The following RALY variants were observed in gnomAD, a reference collection of about 807,000 sequenced individuals.
RALY encodes RNA-binding protein Raly.
A neutral mutation model predicts 30.7 loss-of-function variants in RALY; 15 were observed. The observed-to-expected ratio is 0.49, with a 90% CI of 0.33 to 0.75. The LOEUF (loss-of-function observed/expected upper bound fraction) is 0.75. Among genes scored for constraint, RALY ranks in the 30% least tolerant of loss-of-function variants. RALY has a pLI of 0.02. For synonymous variants in RALY, 177 were observed against 170.8 expected, an observed-to-expected ratio of 1.04 and a Z score of -0.28; for missense variants, 339 against 414.3, an observed-to-expected ratio of 0.82 and a Z score of 1.58.
chr20:34,027,502 C>T (rs2032089044), intron 1 of RALY, among the ~76,000 whole-genome samples: 1 of 152,188 alleles, frequency 6.6e-6, no homozygotes, highest in Admixed American at 6.5e-5. Flanking sequence ...TGAGACAAAC[C>T]CAGGTCAGAC....
chr20:34,002,441 C>T (rs958957180), intron 1 of RALY, among the ~76,000 whole-genome samples: 2 of 152,182 alleles, frequency 1.3e-5, no homozygotes, highest in South Asian at 4.1e-4. Flanking sequence ...AGACATAATT[C>T]CTGTCCACAA....
At chr20:34,000,443 A>G (rs1219848573) in intron 1 of RALY, among the ~76,000 whole-genome samples, 2 of 152,204 alleles carry the variant, frequency 1.3e-5, no homozygotes, top group Admixed American at 6.5e-5. Flanking sequence ...CGAACGAATA[A>G]GTAGAAGCAG....
At position 34,065,262 on chromosome 20, in the gene RALY, G is replaced by A. The variant is rs182005366; in HGVS notation, c.-9-6804G>A. The A allele has an allele frequency of 1.7e-4, 26 of 152,334 alleles. No homozygotes were observed. In the East Asian group the frequency reaches 4.6e-3, roughly 27 times the overall value. 9.4% of individuals were successfully genotyped at this position (152,334 alleles called of 1,614,324 possible). A position where few individuals can be genotyped will look rare whatever the true frequency, so the allele number is the denominator to read the frequency against. ...CAACAGAGCGCTTTCACATCAATTA[G>A]CCTATTTGATTCTTGTATCAGACCT... On this transcript the variant is annotated intron_variant, in intron 2 of 9. Coordinates refer to ENST00000246194, the MANE Select transcript of RALY (RefSeq NM_016732.3).
chr20:34,072,031 A>G, intron 2 of RALY, 35 bp from the exon 3 acceptor site: 2 of 1,603,294 alleles, frequency 1.2e-6, no homozygotes, highest in Non-Finnish European at 1.7e-6. Flanking sequence ...AGCCCAGCCC[A>G]GGGACCCAGC....
chr20:34,020,874 T>C (rs2031792804), intron 1 of RALY, among the ~76,000 whole-genome samples: 1 of 152,172 alleles, frequency 6.6e-6, no homozygotes, highest in Non-Finnish European at 1.5e-5. Flanking sequence ...AGGGACATGA[T>C]TTAGTAGAGA....
In RALY at chr20:34,048,249, A is replaced by G. The variant is rs776829943; in HGVS notation, c.-10+16645A>G. ...TATTCTTGGCACTTCATCAAGAGGA[A>G]TTAAGTAAACCAATGGGCTGGGAGG... On this transcript the variant is annotated intron_variant, in intron 2 of 9. Transcript: ENST00000246194. Among the ~76,000 whole-genome samples the G allele has an allele frequency of 4.2e-4, 64 of 152,330 alleles. 1 individual carries two copies. The highest frequency in any genetic ancestry group is 6.8e-3 in the Middle Eastern group (2 of 294).
At chr20:34,024,508 C>T (rs1044624315) in intron 1 of RALY, among the ~76,000 whole-genome samples, 7 of 152,186 alleles carry the variant, frequency 4.6e-5, no homozygotes, top group South Asian at 2.1e-4. Flanking sequence ...CTGTTGTATT[C>T]TGTGGACGTT....
At chr20:34,036,265 C>T (rs1238283566) in intron 2 of RALY, among the ~76,000 whole-genome samples, 5 of 152,176 alleles carry the variant, frequency 3.3e-5, no homozygotes, top group Non-Finnish European at 7.3e-5. Flanking sequence ...AGTATTCCAT[C>T]TTTCAGGCTA....
At chr20:34,018,355 C>A (rs921835610) in intron 1 of RALY, among the ~76,000 whole-genome samples, 3 of 152,174 alleles carry the variant, frequency 2.0e-5, no homozygotes, top group Non-Finnish European at 4.4e-5. Context: ...CTGGGCCAGA[C>A]CTGCAGAGGT....
At chr20:34,037,806 G>A (rs544720865) in intron 2 of RALY, among the ~76,000 whole-genome samples, 117 of 152,258 alleles carry the variant, frequency 7.7e-4, no homozygotes, top group African/African-American at 2.5e-3. Context: ...TGTCCTTCAG[G>A]GTATGGGGAT....
intron 2 of RALY, among the ~76,000 whole-genome samples, chr20:34,057,772 A>G (rs545382681): frequency 3.9e-4 from 59 of 152,336 alleles, no homozygotes; most frequent in African/African-American, 1.2e-3. Context: ...AAGAATGGTA[A>G]TAAGAATGGA....
intron 2 of RALY, among the ~76,000 whole-genome samples, chr20:34,068,162 C>T (rs2033631012): frequency 6.6e-6 from 1 of 152,146 alleles, no homozygotes; most frequent in Non-Finnish European, 1.5e-5. Context: ...CTCTCCTCAG[C>T]TCATTGCTAA....
chr20:34,037,618 C>G (rs1248463491), intron 2 of RALY, among the ~76,000 whole-genome samples: 10 of 152,180 alleles, frequency 6.6e-5, no homozygotes, highest in Admixed American at 6.5e-4. Context: ...GTTTCCTCAT[C>G]TATAAACAAG....
chr20:34,070,313 T>A (rs979646113), intron 2 of RALY, among the ~76,000 whole-genome samples: 17 of 152,206 alleles, frequency 1.1e-4, no homozygotes, highest in African/African-American at 4.1e-4. Flanking sequence ...GGCCGGGAAC[T>A]GCCAAGGCTT....
intron 2 of RALY, among the ~76,000 whole-genome samples, chr20:34,045,275 T>C (rs1284184946): frequency 6.6e-6 from 1 of 152,184 alleles, no homozygotes; most frequent in Non-Finnish European, 1.5e-5. Context: ...TGTAATTCTA[T>C]ATGCATTATG....
intron 1 of RALY, among the ~76,000 whole-genome samples, chr20:34,022,949 C>T (rs1601426105): frequency 6.6e-6 from 1 of 152,144 alleles, no homozygotes; most frequent in Non-Finnish European, 1.5e-5. Flanking sequence ...GCTTGAAATT[C>T]ACTACCTTCA....
chr20:34,077,072 G>C lies in RALY; in HGVS notation c.703G>C (p.Gly235Arg). 8 of 1,601,838 alleles carry C rather than the reference G, an allele frequency of 5.0e-6. No homozygotes were observed. Among genetic ancestry groups the C allele is most frequent in the Non-Finnish European group, 6.0e-6 (7 of 1,175,788 alleles). The change falls in exon 8 of 10, where the codon GGT becomes CGT. Residue 235 changes from glycine (G) to arginine (R), a missense_variant. Transcript: ENST00000246194. ...GDGGGAGGGG[G>R]GGGSGGGGSG... ...TGGAGGTGGCGCCGGCGGCGGCGGC[G>C]GTGGTGGTGGCAGCGGTGGCGGTGG...
At chr20:34,075,320 C>A (rs1226297459) in intron 5 of RALY, among the ~76,000 whole-genome samples, 1 of 152,096 alleles carries the variant, frequency 6.6e-6, no homozygotes, top group African/African-American at 2.4e-5. Flanking sequence ...TCATCTATTA[C>A]ACGTTCTAAA....
At chr20:34,029,462 A>AG (rs1348249627) in intron 1 of RALY, among the ~76,000 whole-genome samples, 2 of 68,094 alleles carry the variant, frequency 2.9e-5, no homozygotes, top group African/African-American at 1.1e-4. Context: ...GGAAGAAAGG[A>AG]GGGAGGGAGG....
Sources: allele counts gnomAD v4.1 joint callset (sites outside exome capture counted in the v4.1 genomes callset), GRCh38; gene constraint gnomAD v4.1.1; transcripts MANE v1.5; gene names NCBI Gene and HGNC (gene_info 2026-07-23, HGNC 2026-07-21).